Variants in MYOM2 observed in about 807,000 individuals in gnomAD.
MYOM2 encodes the protein myomesin-2.
MYOM2 carries 254 observed loss-of-function variants against 187.6 expected under a neutral mutation model. That is an observed-to-expected ratio of 1.35 (90% CI 1.22 to 1.50). MYOM2 has a LOEUF of 1.50. MYOM2 is among the 40% of genes most tolerant of loss of function. The probability of loss-of-function intolerance (pLI) is 0.00; values close to 1 mark genes in which losing one functional copy is unlikely to be tolerated. For synonymous variants in MYOM2, 981 were observed against 753.8 expected (o/e 1.30, Z -4.94); for missense variants, 2,796 against 1,924.0 (o/e 1.45, Z -8.48).
intron 32 of MYOM2, among the ~76,000 whole-genome samples, chr8:2,138,725 T>A (rs1339959325): frequency 2.0e-5 from 3 of 151,696 alleles, no homozygotes; most frequent in Non-Finnish European, 2.9e-5. Flanking sequence ...CCAAAGTCGC[T>A]TCAGTAGATG....
rs761266029 is a variant in MYOM2 at position 2,129,116 on chromosome 8, A to T, written c.3695-11A>T. On this transcript the variant is annotated splice_polypyrimidine_tract_variant and intron_variant, in intron 31 of 36. Coordinates refer to ENST00000262113, the MANE Select transcript of MYOM2 (RefSeq NM_003970.4). Reference sequence around the variant, plus strand: ...CTTTTCCTAGATCTGAGGATGTTTTATTTTCTGCAGGGAAATCTGCTTCGC... The same window carrying T: ...CTTTTCCTAGATCTGAGGATGTTTTTTTTTCTGCAGGGAAATCTGCTTCGC... 2 of 1,592,010 alleles carry T rather than the reference A, an allele frequency of 1.3e-6. No individual in the cohort carries two copies. The highest frequency in any genetic ancestry group is 1.7e-5 in the Admixed American group (1 of 59,810).
rs552375330 is a variant in MYOM2 at position 2,117,005 on chromosome 8, C to T, written c.3385+730C>T. On this transcript the variant is annotated intron_variant, in intron 27 of 36. Transcript: ENST00000262113. ...GTCTCGATCTCCTGACCTCGTGATCCGCCCGCCTTGGCCTCCCAAAGTGCT... is the reference window on the plus strand; with the variant it reads ...GTCTCGATCTCCTGACCTCGTGATCTGCCCGCCTTGGCCTCCCAAAGTGCT... Among the ~76,000 whole-genome samples the T allele has an allele frequency of 7.9e-4, 120 of 152,300 alleles. 1 individual carries two copies. Among genetic ancestry groups the T allele is most frequent in the Admixed American group, 1.2e-3 (18 of 15,298 alleles).
At chr8:2,087,072 C>G (rs1285305167) in intron 14 of MYOM2, among the ~76,000 whole-genome samples, 1 of 152,222 alleles carries the variant, frequency 6.6e-6, no homozygotes, top group Non-Finnish European at 1.5e-5. Flanking sequence ...TCTTTTTACC[C>G]TGTCCGGTGA....
At position 2,094,619 on chromosome 8, in the gene MYOM2, C is replaced by T. The variant is rs572080758; in HGVS notation, c.2125+528C>T. Among the ~76,000 whole-genome samples the T allele has an allele frequency of 2.8e-4, 42 of 152,264 alleles. 1 individual carries two copies. In the South Asian group the frequency reaches 8.3e-3, roughly 30 times the overall value. Reference sequence around the variant, plus strand: ...TGAGCCAAGATCGTGCCACTGTACTCCAGCCTGGGGGGACAGAGCAAGACT... The same window carrying T: ...TGAGCCAAGATCGTGCCACTGTACTTCAGCCTGGGGGGACAGAGCAAGACT... On this transcript the variant is annotated intron_variant, in intron 17 of 36. Transcript: ENST00000262113.
At chr8:2,105,242 TGTGGTG>T (rs1022936260) in intron 21 of MYOM2, among the ~76,000 whole-genome samples, 3 of 152,194 alleles carry the variant, frequency 2.0e-5, no homozygotes, top group African/African-American at 7.2e-5. Flanking sequence ...GATGGCTGTC[TGTGGTG>T]GCCTCTTCAT....
intron 32 of MYOM2, among the ~76,000 whole-genome samples, chr8:2,138,535 T>C (rs547240998): frequency 6.6e-6 from 1 of 152,300 alleles, no homozygotes; most frequent in East Asian, 1.9e-4. Context: ...AATTAACATA[T>C]TGTGAAGGGC....
intron 32 of MYOM2, among the ~76,000 whole-genome samples, chr8:2,134,317 T>C (rs74508190): frequency 0.13 from 19,803 of 152,114 alleles, 2,176 homozygotes; most frequent in African/African-American, 0.28. Flanking sequence ...CACGCCCCTC[T>C]GTCTGGGTTT....
intron 32 of MYOM2, among the ~76,000 whole-genome samples, chr8:2,138,750 T>C (rs930432011): frequency 1.4e-5 from 2 of 140,588 alleles, no homozygotes; most frequent in African/African-American, 2.7e-5. Flanking sequence ...GCATGTCTTC[T>C]TGGATTCTAA....
intron 3 of MYOM2, among the ~76,000 whole-genome samples, chr8:2,054,013 AG>A (rs1288383482): frequency 2.0e-5 from 3 of 152,184 alleles, no homozygotes; most frequent in African/African-American, 7.2e-5. Context: ...GTCATGCAGA[AG>A]GGCCCAGGAG....
chr8:2,077,715 A>G (rs1819483026), intron 11 of MYOM2, among the ~76,000 whole-genome samples: 1 of 152,142 alleles, frequency 6.6e-6, no homozygotes, highest in Non-Finnish European at 1.5e-5. Flanking sequence ...GTCTCAGCTA[A>G]CAATCCACGC....
chr8:2,108,004 A>G (rs931180813), intron 23 of MYOM2, among the ~76,000 whole-genome samples: 1 of 152,234 alleles, frequency 6.6e-6, no homozygotes, highest in African/African-American at 2.4e-5. Context: ...TTCCTACCAG[A>G]AGGTTGAACT....
At chr8:2,107,132 G>A (rs899699498) in intron 23 of MYOM2, among the ~76,000 whole-genome samples, 1 of 152,166 alleles carries the variant, frequency 6.6e-6, no homozygotes, top group African/African-American at 2.4e-5. Context: ...TAGGTTCACA[G>A]GTCTGAGTTC....
chr8:2,061,158 GA>G (rs1818839346), intron 6 of MYOM2, among the ~76,000 whole-genome samples: 1 of 151,986 alleles, frequency 6.6e-6, no homozygotes, highest in East Asian at 2.0e-4. Context: ...GAAGAGGGTT[GA>G]AAGGAGCTGT....
chr8:2,081,706 A>G (rs1223553223), intron 13 of MYOM2: 2 of 153,486 alleles, frequency 1.3e-5, no homozygotes, highest in African/African-American at 4.8e-5. Context: ...CTTTTTGGAG[A>G]GAGTCTATCT....
At chr8:2,116,576 G>A (rs951370112) in intron 27 of MYOM2, among the ~76,000 whole-genome samples, 1 of 152,198 alleles carries the variant, frequency 6.6e-6, no homozygotes, top group Non-Finnish European at 1.5e-5. Flanking sequence ...AGAGAAGGCA[G>A]TAGAGGCTAT....
chr8:2,094,031 G>A lies in MYOM2; in HGVS notation c.2065G>A (p.Ala689Thr), dbSNP rs1455154644. ...CATCTTCCGAGTCAAGGCGGTCAAT[G>A]CTGTGGGGATGAGTGAAAATTCCCA... ...QYIFRVKAVN[A>T]VGMSENSQES... Residue 689 changes from alanine to threonine, a missense_variant, in exon 17 of 37, where the codon GCT becomes ACT. Ala to Thr is a moderately conservative substitution (Grantham distance 58). Transcript: ENST00000262113. 4 of 1,614,180 alleles carry A rather than the reference G, an allele frequency of 2.5e-6. No homozygotes were observed. Among genetic ancestry groups the A allele is most frequent in the African/African-American group, 1.3e-5 (1 of 75,032 alleles).
intron 27 of MYOM2, among the ~76,000 whole-genome samples, chr8:2,116,979 G>T (rs887950294): frequency 6.6e-6 from 1 of 152,082 alleles, no homozygotes; most frequent in African/African-American, 2.4e-5. Context: ...TAACCAGGAT[G>T]GTCTCGATCT....
chr8:2,073,639 C>T (rs972249840), intron 10 of MYOM2, 139 bp downstream of exon 10: 27 of 1,023,580 alleles, frequency 2.6e-5, no homozygotes, highest in Admixed American at 6.2e-5. Context: ...CCATGCGGCC[C>T]CGATTTTCCC....
chr8:2,057,223 G>T (rs1585825483), intron 3 of MYOM2, 125 bp from the exon 4 acceptor site: 2 of 1,098,010 alleles, frequency 1.8e-6, no homozygotes, highest in Non-Finnish European at 2.5e-6. Flanking sequence ...CATTTCTCCT[G>T]TTCTCTTCTT....
Sources: allele counts gnomAD v4.1 joint callset (sites outside exome capture counted in the v4.1 genomes callset), GRCh38; gene constraint gnomAD v4.1.1; transcripts MANE v1.5; gene names NCBI Gene and HGNC (gene_info 2026-07-23, HGNC 2026-07-21).